The following SEMA3A variants were observed in gnomAD, a reference collection of about 807,000 sequenced individuals.
SEMA3A encodes semaphorin 3A, also known as semaphorin-3A.
SEMA3A carries 29 observed loss-of-function variants against 97.9 expected under a neutral mutation model. That is an observed-to-expected ratio of 0.30 (90% CI 0.22 to 0.40). The LOEUF is 0.40. SEMA3A is among the 10% of genes least tolerant of loss of function. SEMA3A has a pLI of 1.00. For synonymous variants in SEMA3A, 321 were observed against 323.7 expected, an observed-to-expected ratio of 0.99 and a Z score of 0.09; for missense variants, 763 against 951.3, an observed-to-expected ratio of 0.80 and a Z score of 2.60.
chr7:84,267,486 A>G (rs1800036383), intron 3 of SEMA3A, among the ~76,000 whole-genome samples: 1 of 152,136 alleles, frequency 6.6e-6, no homozygotes, highest in Non-Finnish European at 1.5e-5. Context: ...CATACCAGCA[A>G]AGTATAAATA....
At chr7:84,023,891 A>G (rs1447453948) in intron 6 of SEMA3A, among the ~76,000 whole-genome samples, 1 of 152,012 alleles carries the variant, frequency 6.6e-6, no homozygotes, top group Non-Finnish European at 1.5e-5. Context: ...GGGTACCTGT[A>G]GTCCCAGCTA....
intron 1 of SEMA3A, among the ~76,000 whole-genome samples, chr7:84,422,632 G>T (rs915501546): frequency 6.6e-6 from 1 of 151,970 alleles, no homozygotes; most frequent in Non-Finnish European, 1.5e-5. Context: ...GATCTTTCCC[G>T]CTTTCTCCTG....
intron 1 of SEMA3A, among the ~76,000 whole-genome samples, chr7:84,433,443 A>G (rs758477181): frequency 3.0e-4 from 45 of 152,186 alleles, no homozygotes; most frequent in Non-Finnish European, 5.9e-4. Context: ...TCCATGGTGT[A>G]TATGTGCCAT....
At chr7:84,069,271 G>A (rs772669588) in intron 4 of SEMA3A, among the ~76,000 whole-genome samples, 45 of 152,254 alleles carry the variant, frequency 3.0e-4, no homozygotes, top group Non-Finnish European at 5.0e-4. Flanking sequence ...CCTCAGGCAA[G>A]TTCCTACACC....
At chr7:84,269,059 TTC>T (rs2115694853) in intron 3 of SEMA3A, among the ~76,000 whole-genome samples, 1 of 152,254 alleles carries the variant, frequency 6.6e-6, no homozygotes, top group African/African-American at 2.4e-5. Context: ...TTTTTAATCA[TTC>T]TCTCTCAGAA....
upstream of SEMA3A, among the ~76,000 whole-genome samples, chr7:84,200,066 C>T (rs1172901175): frequency 1.3e-5 from 2 of 151,790 alleles, no homozygotes; most frequent in Non-Finnish European, 2.9e-5. Flanking sequence ...GACTCTCCCA[C>T]CCCTCCATGC....
At chr7:84,266,601 C>CA (rs1207229370) in intron 3 of SEMA3A, among the ~76,000 whole-genome samples, 1 of 151,948 alleles carries the variant, frequency 6.6e-6, no homozygotes. Flanking sequence ...AATGGAAGGC[C>CA]AAATATAACT....
chr7:84,066,181 C>T lies in SEMA3A; in HGVS notation c.454-5623G>A, dbSNP rs189569303. On this transcript the variant is annotated intron_variant, in intron 4 of 16. Transcript: ENST00000265362. The stretch of plus-strand genomic sequence containing the variant: ...CCAAAGACAAAAACCACATGATTAT[C>T]GCAATAGATGCAGAAAAAGCCTTTG... Among the ~76,000 whole-genome samples the T allele has an allele frequency of 3.2e-3, 482 of 152,040 alleles. 3 individuals are homozygous for T. The highest frequency in any genetic ancestry group is 6.8e-3 in the Middle Eastern group (2 of 292).
At chr7:84,051,330 T>C (rs1792638461) in intron 5 of SEMA3A, among the ~76,000 whole-genome samples, 2 of 152,202 alleles carry the variant, frequency 1.3e-5, no homozygotes, top group Admixed American at 6.5e-5. Flanking sequence ...TATTGATTCT[T>C]CCTACCCATG....
At chr7:84,104,264 G>A (rs527655617) in intron 4 of SEMA3A, among the ~76,000 whole-genome samples, 1 of 152,178 alleles carries the variant, frequency 6.6e-6, no homozygotes, top group South Asian at 2.1e-4. Context: ...ATTGGGAATG[G>A]CATTATTGTA....
chr7:84,489,792 A>T (rs186832441), intron 1 of SEMA3A, among the ~76,000 whole-genome samples: 89 of 152,226 alleles, frequency 5.8e-4, no homozygotes, highest in African/African-American at 2.1e-3. Context: ...TAATTCCTTC[A>T]CTATAAGTGA....
intron 1 of SEMA3A, among the ~76,000 whole-genome samples, chr7:84,412,077 A>T (rs184101726): frequency 1.8e-4 from 27 of 152,284 alleles, no homozygotes; most frequent in African/African-American, 6.3e-4. Flanking sequence ...TTGAACTCCT[A>T]GATGCCATTT....
chr7:84,329,902 T>G (rs1458895019), intron 2 of SEMA3A, among the ~76,000 whole-genome samples: 2 of 152,034 alleles, frequency 1.3e-5, no homozygotes, highest in Non-Finnish European at 2.9e-5. Context: ...TGCAAAATTT[T>G]ATGGTATTAT....
At chr7:84,309,798 G>A (rs1801269053) in intron 2 of SEMA3A, among the ~76,000 whole-genome samples, 1 of 152,070 alleles carries the variant, frequency 6.6e-6, no homozygotes, top group South Asian at 2.1e-4. Flanking sequence ...TTTCTAAATC[G>A]ACAGAGCAAT....
intron 3 of SEMA3A, among the ~76,000 whole-genome samples, chr7:84,127,524 A>T (rs1048542583): frequency 6.6e-6 from 1 of 152,158 alleles, no homozygotes; most frequent in Non-Finnish European, 1.5e-5. Flanking sequence ...AGTCTGCCTT[A>T]CCATCTTTAA....
chr7:84,119,362 T>G (rs10279093), intron 3 of SEMA3A, among the ~76,000 whole-genome samples: 110,065 of 151,906 alleles, frequency 0.72, 40,352 homozygotes, highest in East Asian at 0.91. Flanking sequence ...TCTGCATCTC[T>G]AGAAATAGTG....
intron 2 of SEMA3A, among the ~76,000 whole-genome samples, chr7:84,308,171 T>C (rs1269033031): frequency 6.6e-6 from 1 of 152,110 alleles, no homozygotes; most frequent in African/African-American, 2.4e-5. Flanking sequence ...TTTTGGGAAC[T>C]ATAGAATATT....
intron 15 of SEMA3A, among the ~76,000 whole-genome samples, chr7:83,974,871 T>A (rs907496210): frequency 1.3e-5 from 2 of 152,036 alleles, no homozygotes; most frequent in Admixed American, 6.6e-5. Context: ...CTCTCAGATA[T>A]CACAAACATC....
intron 1 of SEMA3A, among the ~76,000 whole-genome samples, chr7:84,452,983 G>A (rs1180603741): frequency 6.6e-6 from 1 of 152,086 alleles, no homozygotes; most frequent in Non-Finnish European, 1.5e-5. Context: ...TTGGAAGTTT[G>A]CATGGTAACA....
Sources: gnomAD v4.1 joint callset for allele counts (sites outside exome capture counted in the v4.1 genomes callset) on GRCh38, gnomAD v4.1.1 for gene constraint, MANE v1.5 for transcripts, NCBI Gene and HGNC (gene_info 2026-07-23, HGNC 2026-07-21) for gene names.